The following ABTB2 variants were observed in gnomAD, a reference collection of about 807,000 sequenced individuals.
ABTB2 encodes ankyrin repeat and BTB/POZ domain-containing protein 2.
Under a neutral mutation model 104.1 loss-of-function variants are expected in ABTB2, and 56 were observed. The observed-to-expected ratio is 0.54, with a 90% CI of 0.43 to 0.67. ABTB2 has a LOEUF of 0.67. ABTB2 is among the 30% of genes least tolerant of loss of function. The pLI, the probability that ABTB2 is intolerant of heterozygous loss-of-function variation, is 0.00. For synonymous variants in ABTB2, 606 were observed against 608.2 expected (o/e 1.00, Z 0.05); for missense variants, 1,279 against 1,407.7 (o/e 0.91, Z 1.46).
intron 7 of ABTB2, among the ~76,000 whole-genome samples, chr11:34,166,792 C>T (rs1041987001): frequency 2.6e-5 from 4 of 152,156 alleles, no homozygotes; most frequent in Admixed American, 2.0e-4. Context: ...TGGCTTGGCT[C>T]GACGGGTGAG....
chr11:34,165,654 C>G (rs1248914483), intron 7 of ABTB2, among the ~76,000 whole-genome samples: 1 of 152,244 alleles, frequency 6.6e-6, no homozygotes, highest in Non-Finnish European at 1.5e-5. Flanking sequence ...AGCCACCTTT[C>G]TGAGAACACA....
chr11:34,304,493 A>T (rs532287182), intron 1 of ABTB2, among the ~76,000 whole-genome samples: 1 of 152,322 alleles, frequency 6.6e-6, no homozygotes, highest in South Asian at 2.1e-4. Flanking sequence ...CTAATAACCC[A>T]TGAGGTAAGT....
intron 1 of ABTB2, among the ~76,000 whole-genome samples, chr11:34,243,695 C>T (rs543982628): frequency 9.8e-5 from 15 of 152,314 alleles, no homozygotes; most frequent in Non-Finnish European, 1.8e-4. Flanking sequence ...AGATCATTTA[C>T]GGAATGTGCT....
Sources: gnomAD v4.1 joint callset for allele counts (sites outside exome capture counted in the v4.1 genomes callset) on GRCh38, gnomAD v4.1.1 for gene constraint, MANE v1.5 for transcripts, NCBI Gene and HGNC (gene_info 2026-07-23, HGNC 2026-07-21) for gene names.